ARHGAP24: variants seen among roughly 807,000 people sequenced by gnomAD.
ARHGAP24 encodes Rho GTPase activating protein 24.
Under a neutral mutation model 76.4 loss-of-function variants are expected in ARHGAP24, and 50 were observed. The observed-to-expected ratio is 0.65, with a 90% CI of 0.52 to 0.83. ARHGAP24 has a LOEUF of 0.83. Among genes scored for constraint, ARHGAP24 ranks in the 40% least tolerant of loss-of-function variants. The pLI, the probability that ARHGAP24 is intolerant of heterozygous loss-of-function variation, is 0.00. For missense variants in ARHGAP24, 930 were observed against 914.2 expected, an observed-to-expected ratio of 1.02 and a Z score of -0.22; for synonymous variants, 345 against 323.3, an observed-to-expected ratio of 1.07 and a Z score of -0.72.
intron 1 of ARHGAP24, among the ~76,000 whole-genome samples, chr4:85,490,980 T>C (rs1464894123): frequency 6.6e-6 from 1 of 152,222 alleles, no homozygotes; most frequent in Non-Finnish European, 1.5e-5. Flanking sequence ...CCTATTTGCC[T>C]TTGCTTAATA....
intron 3 of ARHGAP24, chr4:85,778,944 G>C: frequency 1.0e-6 from 1 of 985,432 alleles, no homozygotes; most frequent in Non-Finnish European, 1.2e-6. Context: ...GCTGTGCGTA[G>C]ACCAGACCAG....
At chr4:85,827,201 T>C (rs1729752750) in intron 3 of ARHGAP24, among the ~76,000 whole-genome samples, 1 of 152,176 alleles carries the variant, frequency 6.6e-6, no homozygotes, top group African/African-American at 2.4e-5. Flanking sequence ...TTCTGTCAGC[T>C]CTGAAATAAA....
At chr4:85,797,860 A>G (rs1728428836) in intron 3 of ARHGAP24, among the ~76,000 whole-genome samples, 2 of 152,198 alleles carry the variant, frequency 1.3e-5, no homozygotes, top group African/African-American at 2.4e-5. Context: ...GACTAAAGTA[A>G]TTATTTCGGA....
intron 3 of ARHGAP24, among the ~76,000 whole-genome samples, chr4:85,835,501 G>A (rs201077789): frequency 6.7e-6 from 1 of 148,924 alleles, no homozygotes. Flanking sequence ...GCTTGCAGTG[G>A]GCCGAGATCG....
chr4:85,487,217 A>T (rs1377810464), intron 1 of ARHGAP24, among the ~76,000 whole-genome samples: 11 of 133,786 alleles, frequency 8.2e-5, no homozygotes, highest in East Asian at 4.1e-4. Context: ...TATATATATA[A>T]AAATATATAT....
intron 3 of ARHGAP24, among the ~76,000 whole-genome samples, chr4:85,921,191 T>G (rs1036301421): frequency 6.6e-6 from 1 of 152,216 alleles, no homozygotes; most frequent in African/African-American, 2.4e-5. Context: ...CGGAACACTA[T>G]GTAGCCATTT....
At chr4:85,766,834 C>G (rs1318356870) in intron 3 of ARHGAP24, among the ~76,000 whole-genome samples, 1 of 152,122 alleles carries the variant, frequency 6.6e-6, no homozygotes, top group Admixed American at 6.5e-5. Context: ...CAAACAAAAA[C>G]TCTCACAATT....
chr4:85,877,830 C>G (rs1578334739), intron 3 of ARHGAP24, among the ~76,000 whole-genome samples: 1 of 152,182 alleles, frequency 6.6e-6, no homozygotes, highest in African/African-American at 2.4e-5. Context: ...TTAAAAAAAT[C>G]TTTGGGTCCA....
chr4:85,662,838 C>T (rs578189236), intron 2 of ARHGAP24, among the ~76,000 whole-genome samples: 7 of 152,064 alleles, frequency 4.6e-5, no homozygotes, highest in Non-Finnish European at 7.4e-5. Context: ...AGATATGCGG[C>T]GTTATTTCTG....
At chr4:85,889,479 C>A (rs1733758778) in intron 3 of ARHGAP24, among the ~76,000 whole-genome samples, 1 of 152,068 alleles carries the variant, frequency 6.6e-6, no homozygotes, top group Non-Finnish European at 1.5e-5. Context: ...TAGTGTAAGA[C>A]CTCATGGAAT....
intron 3 of ARHGAP24, among the ~76,000 whole-genome samples, chr4:85,840,958 G>C (rs1265726878): frequency 6.6e-6 from 1 of 152,156 alleles, no homozygotes; most frequent in East Asian, 1.9e-4. Context: ...GGTCAATAAA[G>C]TGTTACAAAC....
chr4:85,664,179 C>T (rs939756093), intron 2 of ARHGAP24, among the ~76,000 whole-genome samples: 1 of 151,560 alleles, frequency 6.6e-6, no homozygotes, highest in Admixed American at 6.5e-5. Flanking sequence ...ATTATTGCCA[C>T]AATTTCAGAG....
chr4:85,685,628 G>C (rs1188469797), intron 2 of ARHGAP24, among the ~76,000 whole-genome samples: 1 of 105,868 alleles, frequency 9.4e-6, no homozygotes, highest in Non-Finnish European at 1.7e-5. Context: ...GCGAGACTCT[G>C]TCTCAAAAAA....
At chr4:85,986,440 T>G (rs1208120892) in intron 8 of ARHGAP24, among the ~76,000 whole-genome samples, 3 of 152,140 alleles carry the variant, frequency 2.0e-5, no homozygotes, top group African/African-American at 7.2e-5. Context: ...AGGCAATACA[T>G]GCCTATGATT....
chr4:85,627,241 A>G (rs1720990028), intron 2 of ARHGAP24, among the ~76,000 whole-genome samples: 1 of 151,852 alleles, frequency 6.6e-6, no homozygotes, highest in East Asian at 1.9e-4. Context: ...TGACGTACAG[A>G]TGGGTTTTTG....
At chr4:85,921,296 C>T (rs1001309149) in intron 3 of ARHGAP24, among the ~76,000 whole-genome samples, 1 of 152,164 alleles carries the variant, frequency 6.6e-6, no homozygotes, top group African/African-American at 2.4e-5. Flanking sequence ...AAACCAAATA[C>T]TGCATGATCT....
In ARHGAP24 at chr4:85,725,346, TCA is replaced by T. The variant is rs137959975; in HGVS notation, c.268+3375_268+3376del. On this transcript the variant is annotated intron_variant, in intron 3 of 9. Coordinates refer to ENST00000395184, the MANE Select transcript of ARHGAP24 (RefSeq NM_001025616.3). ...TATTTACCAGGCTTATGGAAGAATC[TCA>T]GTCATATGAAACTGCCCCCACTCTG... Among the ~76,000 whole-genome samples the T allele has an allele frequency of 7.0e-3, 1,065 of 152,262 alleles. 6 individuals carry two copies. Among genetic ancestry groups the T allele is most frequent in the Non-Finnish European group, 0.011 (761 of 68,012 alleles).
chr4:85,774,248 C>G (rs1241117361), intron 3 of ARHGAP24, among the ~76,000 whole-genome samples: 1 of 152,180 alleles, frequency 6.6e-6, no homozygotes, highest in Non-Finnish European at 1.5e-5. Context: ...AATTAGGAAG[C>G]AGTAGGACAT....
chr4:85,967,429 G>A (rs1187448135), intron 5 of ARHGAP24, among the ~76,000 whole-genome samples: 1 of 152,106 alleles, frequency 6.6e-6, no homozygotes, highest in Non-Finnish European at 1.5e-5. Context: ...GATCAAAGTA[G>A]ACCTATCAGA....
Sources: allele counts gnomAD v4.1 joint callset (sites outside exome capture counted in the v4.1 genomes callset), GRCh38; gene constraint gnomAD v4.1.1; transcripts MANE v1.5; gene names NCBI Gene and HGNC (gene_info 2026-07-23, HGNC 2026-07-21).